EIF2B3: variants seen among roughly 807,000 people sequenced by gnomAD.
EIF2B3 encodes the protein eukaryotic translation initiation factor 2B subunit gamma, also known as translation initiation factor eIF2B subunit gamma.
Under a neutral mutation model 54.1 loss-of-function variants are expected in EIF2B3, and 20 were observed. The ratio of observed to expected loss-of-function variants is 0.37; its 90% confidence interval spans 0.26 to 0.54. The LOEUF (loss-of-function observed/expected upper bound fraction) is 0.54, where lower values mean the gene tolerates loss of function less well. Among genes scored for constraint, EIF2B3 ranks in the 20% least tolerant of loss-of-function variants. The probability of loss-of-function intolerance (pLI) is 0.86; values close to 1 mark genes in which losing one functional copy is unlikely to be tolerated. For missense variants in EIF2B3, 448 were observed against 547.8 expected (o/e 0.82, Z 1.82); for synonymous variants, 153 against 188.1 (o/e 0.81, Z 1.52).
chr1:44,877,202 A>AC (rs1557666475), intron 8 of EIF2B3, among the ~76,000 whole-genome samples: 15 of 142,866 alleles, frequency 1.0e-4, no homozygotes, highest in African/African-American at 3.8e-4. Context: ...TAAAAAAAAA[A>AC]AAAAAAAAAA....
intron 5 of EIF2B3, among the ~76,000 whole-genome samples, chr1:44,926,057 G>A (rs1402374735): frequency 1.3e-5 from 2 of 151,478 alleles, no homozygotes; most frequent in Non-Finnish European, 2.9e-5. Flanking sequence ...GTGAAACTCC[G>A]TCTCTACTAA....
chr1:44,977,611 T>G (rs746954550), intron 3 of EIF2B3, among the ~76,000 whole-genome samples: 13 of 152,128 alleles, frequency 8.5e-5, no homozygotes, highest in South Asian at 4.1e-4. Context: ...ATTACAGATG[T>G]GCACCGCCAT....
At chr1:44,874,433 C>A in intron 10 of EIF2B3, 2 of 510,148 alleles carry the variant, frequency 3.9e-6, no homozygotes, top group African/African-American at 1.9e-5. Context: ...TCTTTTTGCC[C>A]TTTTTCTGAG....
intron 5 of EIF2B3, among the ~76,000 whole-genome samples, chr1:44,909,242 T>A (rs77281287): frequency 0.015 from 2,263 of 152,038 alleles, 65 homozygotes; most frequent in African/African-American, 0.052. Context: ...GGAAACAGGA[T>A]TCTGGGTAAA....
At chr1:44,879,659 G>A (rs1655320105) in intron 8 of EIF2B3, among the ~76,000 whole-genome samples, 159 bp downstream of exon 8, 1 of 152,144 alleles carries the variant, frequency 6.6e-6, no homozygotes, top group Non-Finnish European at 1.5e-5. Flanking sequence ...TGCTGCACCT[G>A]AGTACCCTAG....
chr1:44,904,434 C>G (rs1643375402), intron 5 of EIF2B3, among the ~76,000 whole-genome samples: 1 of 152,222 alleles, frequency 6.6e-6, no homozygotes, highest in Admixed American at 6.5e-5. Flanking sequence ...AGTAACTTAA[C>G]TATCTTGCAG....
At chr1:44,975,798 C>T (rs111894307) in intron 3 of EIF2B3, among the ~76,000 whole-genome samples, 9,729 of 152,146 alleles carry the variant, frequency 0.064, 1,069 homozygotes, top group African/African-American at 0.22. Flanking sequence ...TGGTGAAACC[C>T]TGTCTCTATA....
At position 44,850,640 on chromosome 1, in the gene EIF2B3, A is replaced by G; in HGVS notation, c.*311T>C. The G allele has an allele frequency of 2.3e-6, 1 of 441,280 alleles. No individual in the cohort carries two copies. Among genetic ancestry groups the G allele is most frequent in the Non-Finnish European group, 4.1e-6 (1 of 243,534 alleles). The allele number at this position is 441,280 out of a possible 1,614,324, so 27.3% of individuals were successfully genotyped here. ...ACTGGGTTGGGTCAGCCAGTCAGAAAGTAGCCTTCCTAGGAGCTTTACATT... is the reference window on the plus strand; with the variant it reads ...ACTGGGTTGGGTCAGCCAGTCAGAAGGTAGCCTTCCTAGGAGCTTTACATT... On this transcript the variant is annotated 3_prime_UTR_variant, in exon 12 of 12. Transcript: ENST00000360403.
At chr1:44,852,376 T>C (rs557091953) in intron 11 of EIF2B3, among the ~76,000 whole-genome samples, 27 of 152,282 alleles carry the variant, frequency 1.8e-4, no homozygotes, top group Non-Finnish European at 3.5e-4. Flanking sequence ...ACCTCTAATA[T>C]GCGATGCCTT....
chr1:44,953,151 T>TAAAAAAAAAAA (rs551625310), intron 3 of EIF2B3, among the ~76,000 whole-genome samples: 1 of 131,790 alleles, frequency 7.6e-6, no homozygotes, highest in Non-Finnish European at 1.6e-5. Context: ...TCCATAAGTG[T>TAAAAAAAAAAA]AAAAAAAAAA....
chr1:44,910,309 C>G (rs1171752590), intron 5 of EIF2B3, among the ~76,000 whole-genome samples: 2 of 152,174 alleles, frequency 1.3e-5, no homozygotes, highest in African/African-American at 4.8e-5. Flanking sequence ...CTCAAGGTCA[C>G]ACAGCTGGTT....
At position 44,886,614 on chromosome 1, in the gene EIF2B3, G is replaced by C. The variant is rs576074261; in HGVS notation, c.657-4875C>G. 6.6e-5 allele frequency among the ~76,000 whole-genome samples: 10 copies of C among 152,306 alleles called. No homozygotes were observed. In the South Asian group the frequency reaches 2.1e-3, roughly 32 times the overall value. ...TAGATGAGACTGAAAACCTAACTTAGGAGTATGTGCCTGTACTAATAGCTG... is the reference window on the plus strand; with the variant it reads ...TAGATGAGACTGAAAACCTAACTTACGAGTATGTGCCTGTACTAATAGCTG... On this transcript the variant is annotated intron_variant, in intron 6 of 11. Transcript: ENST00000360403.
intron 5 of EIF2B3, among the ~76,000 whole-genome samples, chr1:44,906,252 A>T (rs1569679957): frequency 6.6e-6 from 1 of 152,250 alleles, no homozygotes; most frequent in Non-Finnish European, 1.5e-5. Flanking sequence ...GACAGCCTTG[A>T]CCAGAATTAT....
intron 3 of EIF2B3, among the ~76,000 whole-genome samples, chr1:44,970,739 A>G (rs1198146801): frequency 6.6e-6 from 1 of 152,180 alleles, no homozygotes; most frequent in Non-Finnish European, 1.5e-5. Flanking sequence ...AATTCTAATC[A>G]GTTAATTCTG....
chr1:44,933,712 T>C lies in EIF2B3; in HGVS notation c.455-6973A>G, dbSNP rs78726519. 5.1e-3 allele frequency among the ~76,000 whole-genome samples: 777 copies of C among 152,286 alleles called. 3 individuals carry two copies. The highest frequency in any genetic ancestry group is 8.1e-3 in the East Asian group (42 of 5,192). On this transcript the variant is annotated intron_variant, in intron 4 of 11. Transcript: ENST00000360403. ...AAGGCATGGGTTTGAGTTCTGGCTC[T>C]TACCACTTACCACTGATGTTATCTC...
At chr1:44,946,322 A>G (rs1644101482) in intron 3 of EIF2B3, among the ~76,000 whole-genome samples, 1 of 151,960 alleles carries the variant, frequency 6.6e-6, no homozygotes, top group Admixed American at 6.6e-5. Context: ...AACACATCTC[A>G]TCCTCTGTGC....
intron 3 of EIF2B3, among the ~76,000 whole-genome samples, chr1:44,944,383 G>A (rs572267628): frequency 1.7e-4 from 26 of 152,026 alleles, no homozygotes; most frequent in Admixed American, 5.2e-4. Flanking sequence ...TAATCCCAGT[G>A]CTTTGGGATG....
At chr1:44,935,906 T>C (rs1437186511) in intron 4 of EIF2B3, among the ~76,000 whole-genome samples, 2 of 152,006 alleles carry the variant, frequency 1.3e-5, no homozygotes, top group Non-Finnish European at 2.9e-5. Flanking sequence ...CACTTTTTTG[T>C]GTCTCCTTGA....
intron 10 of EIF2B3, among the ~76,000 whole-genome samples, chr1:44,864,270 A>T (rs1223378255): frequency 1.3e-5 from 2 of 152,122 alleles, no homozygotes; most frequent in African/African-American, 4.8e-5. Flanking sequence ...TGTTTTTAAG[A>T]GTATGACAGA....
Sources: gnomAD v4.1 joint callset for allele counts (sites outside exome capture counted in the v4.1 genomes callset) on GRCh38, gnomAD v4.1.1 for gene constraint, MANE v1.5 for transcripts, NCBI Gene and HGNC (gene_info 2026-07-23, HGNC 2026-07-21) for gene names.